The following MYO16 variants were observed in gnomAD, a reference collection of about 807,000 sequenced individuals.
MYO16 encodes the protein myosin XVI.
In MYO16, 94 loss-of-function variants were observed where a neutral mutation model predicts 205.3. That is an observed-to-expected ratio of 0.46 (90% CI 0.39 to 0.54). MYO16 has a LOEUF of 0.54. Ranked by LOEUF, MYO16 falls within the 20% of genes least tolerant of loss-of-function variation. The pLI is 0.00. For synonymous variants in MYO16, 988 were observed against 954.0 expected (o/e 1.04, Z -0.66); for missense variants, 2,315 against 2,387.5 (o/e 0.97, Z 0.63).
At chr13:109,029,227 G>T (rs73616502) in intron 23 of MYO16, among the ~76,000 whole-genome samples, 131 of 144,480 alleles carry the variant, frequency 9.1e-4, no homozygotes, top group African/African-American at 3.3e-3. Flanking sequence ...TGATTCTCCT[G>T]CCTCAGCTTC....
At chr13:108,930,806 C>G (rs1178193542) in intron 16 of MYO16, among the ~76,000 whole-genome samples, 4 of 151,956 alleles carry the variant, frequency 2.6e-5, no homozygotes, top group Non-Finnish European at 5.9e-5. Context: ...CTAGAAAAAT[C>G]AAATATAAAT....
intron 2 of MYO16, among the ~76,000 whole-genome samples, chr13:108,709,331 A>G (rs923792643): frequency 1.3e-5 from 2 of 152,232 alleles, no homozygotes; most frequent in Non-Finnish European, 2.9e-5. Context: ...TCTGAGGCCA[A>G]TAAAATGGAT....
intron 9 of MYO16, among the ~76,000 whole-genome samples, chr13:108,831,310 A>T (rs937831200): frequency 6.6e-6 from 1 of 152,192 alleles, no homozygotes; most frequent in African/African-American, 2.4e-5. Flanking sequence ...TTTGTAATTT[A>T]AAAAATCATT....
intron 27 of MYO16, among the ~76,000 whole-genome samples, chr13:109,069,418 TAG>T (rs1887856435): frequency 1.3e-5 from 2 of 152,180 alleles, no homozygotes; most frequent in African/African-American, 4.8e-5. Context: ...TTCAGCATTG[TAG>T]TCTGAGCTGT....
chr13:108,579,652 G>T, the MYO16 span, among the ~76,000 whole-genome samples: 3 of 152,074 alleles, frequency 2.0e-5, no homozygotes, highest in East Asian at 5.8e-4. Flanking sequence ...TGTTGGCCAG[G>T]CTGGTCTCAA....
the MYO16 span, among the ~76,000 whole-genome samples, chr13:108,513,267 TG>T: frequency 2.3e-5 from 1 of 43,786 alleles, no homozygotes. Flanking sequence ...TGCATAGAGG[TG>T]TTTGTAGTAT....
rs985645180 is a variant in MYO16 at position 108,686,505 on chromosome 13, T to C, written c.292+20356T>C. Among the ~76,000 whole-genome samples, 4 of 152,290 alleles carry C rather than the reference T, an allele frequency of 2.6e-5. No individual in the cohort carries two copies. The East Asian group carries it at 5.8e-4, about 22-fold the overall frequency. Reference sequence around the variant, plus strand: ...GCACATCCAGCGAAGGAAGCTGTGATGACACCAGGCCAGAACAGGGTCAGG... The same window carrying C: ...GCACATCCAGCGAAGGAAGCTGTGACGACACCAGGCCAGAACAGGGTCAGG... On this transcript the variant is annotated intron_variant, in intron 2 of 34. Coordinates refer to ENST00000457511, the MANE Select transcript of MYO16 (RefSeq NM_001198950.3).
At chr13:108,792,007 G>GT (rs1319220270) in intron 5 of MYO16, among the ~76,000 whole-genome samples, 1 of 152,128 alleles carries the variant, frequency 6.6e-6, no homozygotes, top group Non-Finnish European at 1.5e-5. Flanking sequence ...TGTGAGGGAG[G>GT]TATCACCATC....
At chr13:108,992,052 C>T (rs1884853391) in intron 20 of MYO16, among the ~76,000 whole-genome samples, 1 of 152,050 alleles carries the variant, frequency 6.6e-6, no homozygotes, top group Non-Finnish European at 1.5e-5. Context: ...AGACAACCTA[C>T]TGAATGGGAG....
At chr13:108,581,319 C>T in the MYO16 span, among the ~76,000 whole-genome samples, 3 of 152,044 alleles carry the variant, frequency 2.0e-5, no homozygotes, top group Admixed American at 6.6e-5. Flanking sequence ...AGGTGGAAAT[C>T]GTTTTTGACT....
chr13:108,502,926 C>T, the MYO16 span, among the ~76,000 whole-genome samples: 17 of 152,170 alleles, frequency 1.1e-4, no homozygotes, highest in East Asian at 1.9e-4. Flanking sequence ...AAATGAAATT[C>T]GGCCTAAGAA....
chr13:109,122,388 G>C (rs1200682993), intron 29 of MYO16, among the ~76,000 whole-genome samples: 1 of 152,108 alleles, frequency 6.6e-6, no homozygotes, highest in Non-Finnish European at 1.5e-5. Context: ...ATTAAGAATG[G>C]TCTTAAAAGG....
chr13:108,763,005 A>G (rs1213462086), intron 4 of MYO16, among the ~76,000 whole-genome samples: 1 of 152,246 alleles, frequency 6.6e-6, no homozygotes, highest in African/African-American at 2.4e-5. Context: ...ATTGTAAGAA[A>G]GTCTCTAATC....
intron 25 of MYO16, 109 bp downstream of exon 25, chr13:109,052,584 C>G: frequency 1.2e-6 from 1 of 819,508 alleles, no homozygotes; most frequent in Admixed American, 2.9e-5. Flanking sequence ...AATAGATATT[C>G]TAATAGAAAG....
chr13:109,136,340 GC>G (rs1389410976), intron 31 of MYO16, among the ~76,000 whole-genome samples: 2 of 152,022 alleles, frequency 1.3e-5, no homozygotes, highest in African/African-American at 4.8e-5. Context: ...TGATCTGCCC[GC>G]CTCGGCCTCC....
chr13:109,139,200 A>T (rs1478134206), intron 31 of MYO16, among the ~76,000 whole-genome samples: 1 of 152,110 alleles, frequency 6.6e-6, no homozygotes, highest in African/African-American at 2.4e-5. Flanking sequence ...TGATCCGACT[A>T]CCTCGGCTTC....
chr13:108,708,519 C>T (rs1207445323), intron 2 of MYO16, among the ~76,000 whole-genome samples: 1 of 152,182 alleles, frequency 6.6e-6, no homozygotes, highest in Non-Finnish European at 1.5e-5. Flanking sequence ...CCCCTCTAAC[C>T]AGGTTTACCA....
At chr13:109,163,269 G>C (rs1362948742) in intron 32 of MYO16, among the ~76,000 whole-genome samples, 1 of 152,146 alleles carries the variant, frequency 6.6e-6, no homozygotes. Context: ...ATGCGGGAGA[G>C]GGCTTGAGTG....
intron 27 of MYO16, among the ~76,000 whole-genome samples, chr13:109,079,986 C>T (rs1888233761): frequency 6.6e-6 from 1 of 151,116 alleles, no homozygotes; most frequent in African/African-American, 2.4e-5. Flanking sequence ...AGCGATTCTC[C>T]TGCCTTAGCC....
Sources: allele counts gnomAD v4.1 joint callset (sites outside exome capture counted in the v4.1 genomes callset), GRCh38; gene constraint gnomAD v4.1.1; transcripts MANE v1.5; gene names NCBI Gene and HGNC (gene_info 2026-07-23, HGNC 2026-07-21).